NR2F1-AS1: variants seen among roughly 807,000 people sequenced by gnomAD.
NR2F1-AS1 encodes the protein NR2F1 antisense RNA 1.
chr5:93,582,383 CTG>C (rs1472049088), upstream of NR2F1-AS1, among the ~76,000 whole-genome samples: 30 of 151,920 alleles, frequency 2.0e-4, no homozygotes, highest in African/African-American at 6.8e-4. Context: ...GTGGCAATAG[CTG>C]CAAATTCCAG....
intron 4 of NR2F1-AS1, among the ~76,000 whole-genome samples, chr5:93,412,618 C>A (rs1262896865): frequency 1.3e-5 from 2 of 152,234 alleles, no homozygotes; most frequent in African/African-American, 2.4e-5. Context: ...TCTGCCCTGA[C>A]TGGATTTTCG....
chr5:93,515,558 G>C (rs1375500933), intron 4 of NR2F1-AS1, among the ~76,000 whole-genome samples: 3 of 151,808 alleles, frequency 2.0e-5, no homozygotes, highest in African/African-American at 7.2e-5. Flanking sequence ...TAGACTATAA[G>C]CAAGGACAGA....
rs983746463 is a variant in NR2F1-AS1, at chr5:93,466,906, G to GC, written n.639-71365_639-71364insG. Among the ~76,000 whole-genome samples, 9 of 115,998 alleles carry GC rather than the reference G, an allele frequency of 7.8e-5. No homozygotes were observed. In the East Asian group the frequency reaches 9.9e-4, roughly 13 times the overall value. The allele number at this position is 115,998 out of a possible 152,430, so 76.1% of individuals were successfully genotyped here. ...CCTTCTCCAGAATATCCCTTTTTTG[G>GC]GGGGGGGGGGGGTGGACGGAGTCTC... On this transcript the variant is annotated intron_variant and non_coding_transcript_variant, in intron 4 of 5. Transcript: ENST00000660523.
intron 4 of NR2F1-AS1, among the ~76,000 whole-genome samples, chr5:93,494,338 A>C (rs899856546): frequency 6.6e-6 from 1 of 152,208 alleles, no homozygotes; most frequent in Non-Finnish European, 1.5e-5. Flanking sequence ...AAAATAAAAA[A>C]TGTTGGCAAG....
At chr5:93,515,449 G>A (rs1297690203) in intron 4 of NR2F1-AS1, among the ~76,000 whole-genome samples, 1 of 151,756 alleles carries the variant, frequency 6.6e-6, no homozygotes. Flanking sequence ...TCTCAAATGT[G>A]AGTTCTCATA....
chr5:93,446,593 GGAA>G (rs1201680235), intron 4 of NR2F1-AS1, among the ~76,000 whole-genome samples: 2 of 152,134 alleles, frequency 1.3e-5, no homozygotes, highest in Non-Finnish European at 2.9e-5. Context: ...CTCATAGATA[GGAA>G]GAATCAATAT....
At chr5:93,549,291 GAAGGGATTTTTTATAA>G (rs1216899357) in intron 4 of NR2F1-AS1, among the ~76,000 whole-genome samples, 3 of 152,116 alleles carry the variant, frequency 2.0e-5, no homozygotes, top group African/African-American at 7.2e-5. Context: ...ATATTACTCA[GAAGGGATTTTTTATAA>G]AATATATCCT....
At chr5:93,506,629 T>C (rs1422844327) in intron 4 of NR2F1-AS1, among the ~76,000 whole-genome samples, 1 of 152,146 alleles carries the variant, frequency 6.6e-6, no homozygotes, top group Non-Finnish European at 1.5e-5. Flanking sequence ...AAGCCCATCA[T>C]ATTTCGTGAG....
At chr5:93,493,364 T>G (rs552256280) in intron 4 of NR2F1-AS1, among the ~76,000 whole-genome samples, 5 of 152,042 alleles carry the variant, frequency 3.3e-5, no homozygotes, top group Admixed American at 6.6e-5. Flanking sequence ...ATGTCTTTTA[T>G]TGTGTAATAC....
intron 1 of NR2F1-AS1, among the ~76,000 whole-genome samples, chr5:93,576,264 G>A (rs1752891899): frequency 6.6e-6 from 1 of 152,092 alleles, no homozygotes; most frequent in African/African-American, 2.4e-5. Context: ...AACGATCCCC[G>A]AGTTTTGTTA....
At position 93,531,754 on chromosome 5, in the gene NR2F1-AS1, A is replaced by C. The variant is rs187548264; in HGVS notation, n.638+22007T>G. Among the ~76,000 whole-genome samples, 143 of 152,354 alleles carry C rather than the reference A, an allele frequency of 9.4e-4. 3 individuals carry two copies. The highest frequency in any genetic ancestry group is 9.2e-3 in the Admixed American group (140 of 15,292). ...ATCAAAACTGACCAAGATCGAAGTT[A>C]TAACTCCGTAGTAGCATACAAACAG... On this transcript the variant is annotated intron_variant and non_coding_transcript_variant, in intron 4 of 5. Coordinates refer to ENST00000660523, the Ensembl canonical transcript of NR2F1-AS1.
chr5:93,456,021 T>C (rs1436901084), intron 4 of NR2F1-AS1, among the ~76,000 whole-genome samples: 2 of 152,044 alleles, frequency 1.3e-5, no homozygotes, highest in African/African-American at 4.8e-5. Context: ...ACCCTAAGAC[T>C]AGGAACTAAG....
At chr5:93,442,503 G>T (rs550164394) in intron 4 of NR2F1-AS1, among the ~76,000 whole-genome samples, 20 of 152,292 alleles carry the variant, frequency 1.3e-4, no homozygotes, top group African/African-American at 4.6e-4. Flanking sequence ...AGGGGCACCC[G>T]ACATTGCTGA....
At position 93,457,677 on chromosome 5, in the gene NR2F1-AS1, G is replaced by A. The variant is rs143055577; in HGVS notation, n.639-62135C>T. ...GCTGCTAGGTACACCTGCACACACC[G>A]TTGATACAATCATCAAAGCTGCAAA... On this transcript the variant is annotated intron_variant and non_coding_transcript_variant, in intron 4 of 5. Transcript: ENST00000660523. Among the ~76,000 whole-genome samples, 66 of 151,802 alleles carry A rather than the reference G, an allele frequency of 4.3e-4. No homozygotes were observed. In the East Asian group the frequency reaches 0.01, roughly 24 times the overall value.
At chr5:93,497,833 A>G (rs535516615) in intron 4 of NR2F1-AS1, among the ~76,000 whole-genome samples, 4 of 152,310 alleles carry the variant, frequency 2.6e-5, no homozygotes, top group Admixed American at 6.5e-5. Context: ...TCATGTTTTC[A>G]TTAAACATGT....
intron 2 of NR2F1-AS1, among the ~76,000 whole-genome samples, chr5:93,558,671 T>C (rs1248258335): frequency 6.6e-6 from 1 of 152,224 alleles, no homozygotes; most frequent in Non-Finnish European, 1.5e-5. Flanking sequence ...AATTACTCCT[T>C]GATCTATGGG....
At chr5:93,442,724 G>C (rs1356226972) in intron 4 of NR2F1-AS1, among the ~76,000 whole-genome samples, 1 of 152,230 alleles carries the variant, frequency 6.6e-6, no homozygotes, top group Non-Finnish European at 1.5e-5. Flanking sequence ...TGAGATCTGA[G>C]AATGGACAGA....
intron 4 of NR2F1-AS1, among the ~76,000 whole-genome samples, chr5:93,464,588 A>C (rs73772361): frequency 0.012 from 1,870 of 152,304 alleles, 50 homozygotes; most frequent in African/African-American, 0.043. Context: ...ACAATGTTGC[A>C]ATTACCTAAG....
At chr5:93,479,966 T>A (rs1750566013) in intron 4 of NR2F1-AS1, among the ~76,000 whole-genome samples, 2 of 151,928 alleles carry the variant, frequency 1.3e-5, no homozygotes, top group African/African-American at 4.8e-5. Flanking sequence ...GACAGAACAA[T>A]TATACTTACC....
Sources: allele counts gnomAD v4.1 joint callset (sites outside exome capture counted in the v4.1 genomes callset), GRCh38; gene constraint gnomAD v4.1.1; transcripts MANE v1.5; gene names NCBI Gene and HGNC (gene_info 2026-07-23, HGNC 2026-07-21).